Variants in ATRNL1 observed in about 807,000 individuals in gnomAD.
The protein encoded by ATRNL1 is attractin like 1.
A neutral mutation model predicts 182.7 loss-of-function variants in ATRNL1; 95 were observed. The ratio of observed to expected loss-of-function variants is 0.52; its 90% CI spans 0.44 to 0.62. ATRNL1 has a LOEUF of 0.62. ATRNL1 is among the 20% of genes least tolerant of loss of function. The probability of loss-of-function intolerance (pLI) is 0.00; values close to 1 mark genes in which losing one functional copy is unlikely to be tolerated. For missense variants in ATRNL1, 1,471 were observed against 1,679.5 expected (o/e 0.88, Z 2.17); for synonymous variants, 576 against 568.3 (o/e 1.01, Z -0.19).
chr10:115,789,226 C>T (rs1195399981), intron 27 of ATRNL1, among the ~76,000 whole-genome samples: 2 of 152,076 alleles, frequency 1.3e-5, no homozygotes, highest in African/African-American at 4.8e-5. Flanking sequence ...CTTTATTACC[C>T]AAGTATTTAT....
intron 7 of ATRNL1, among the ~76,000 whole-genome samples, chr10:115,170,768 T>C (rs1227597728): frequency 6.6e-6 from 1 of 152,082 alleles, no homozygotes; most frequent in Non-Finnish European, 1.5e-5. Context: ...CAATTAAAAG[T>C]ATACTTAATT....
chr10:115,637,535 G>C (rs1464703981), intron 26 of ATRNL1, among the ~76,000 whole-genome samples: 2 of 150,416 alleles, frequency 1.3e-5, no homozygotes, highest in Admixed American at 1.3e-4. Context: ...ATGGAAGTCA[G>C]AAAATTAAAA....
chr10:115,839,552 G>A (rs1950755602), intron 27 of ATRNL1, among the ~76,000 whole-genome samples: 1 of 152,076 alleles, frequency 6.6e-6, no homozygotes, highest in African/African-American at 2.4e-5. Flanking sequence ...CTGTGTGCAT[G>A]CCCTTACTTC....
intron 27 of ATRNL1, among the ~76,000 whole-genome samples, chr10:115,764,040 A>G (rs1257995420): frequency 1.3e-5 from 2 of 152,220 alleles, no homozygotes; most frequent in African/African-American, 4.8e-5. Flanking sequence ...GGTATTGTAT[A>G]CAGGTACTAG....
At chr10:115,383,227 T>G (rs1233270803) in intron 19 of ATRNL1, among the ~76,000 whole-genome samples, 1 of 151,834 alleles carries the variant, frequency 6.6e-6, no homozygotes, top group Non-Finnish European at 1.5e-5. Flanking sequence ...GCCCACTGGA[T>G]CATGGTGGGA....
rs568673172 is a variant in ATRNL1, at chr10:115,688,026, A to G, written c.3796-39222A>G. Among the ~76,000 whole-genome samples, 13 of 152,178 alleles carry G rather than the reference A, an allele frequency of 8.5e-5. No individual in the cohort carries two copies. The East Asian group carries it at 2.5e-3, about 29-fold the overall frequency. On this transcript the variant is annotated intron_variant, in intron 26 of 28. Transcript: ENST00000355044. ...TATGGTTCTATTCTCTATACCCATG[A>G]AATCAAGTCTTTTATCTTCTATAAG...
chr10:115,160,091 C>T lies in ATRNL1; in HGVS notation c.881C>T (p.Pro294Leu), dbSNP rs1554882887. Residue 294 changes from proline to leucine, a missense_variant, in exon 6 of 29, where the codon CCA (proline) becomes CTA (leucine). Coordinates refer to ENST00000355044, the MANE Select transcript of ATRNL1 (RefSeq NM_207303.4). Reference protein sequence around the residue: ...VPSTESYWILPNVKPFSPSVG... With the variant: ...VPSTESYWILLNVKPFSPSVG... ...TCTACTGAGTCTTACTGGATTCTGC[C>T]AAACGTTAAACCCTTCAGTCCTTCT... 6.2e-7 allele frequency: 1 copy of T among 1,611,992 alleles called. No homozygotes were observed. Among genetic ancestry groups the T allele is most frequent in the Admixed American group, 1.7e-5 (1 of 59,746 alleles).
chr10:115,863,007 C>T (rs782534951), intron 28 of ATRNL1, among the ~76,000 whole-genome samples: 14 of 152,064 alleles, frequency 9.2e-5, no homozygotes, highest in African/African-American at 1.4e-4. Context: ...AATCTACAAA[C>T]GTCTACTCAT....
intron 26 of ATRNL1, among the ~76,000 whole-genome samples, chr10:115,660,244 C>G (rs1352662849): frequency 3.9e-5 from 6 of 151,992 alleles, no homozygotes; most frequent in Non-Finnish European, 2.9e-5. Flanking sequence ...GGGTCTGAAT[C>G]CCTAATTCTA....
At chr10:115,450,104 A>G (rs1287374102) in intron 21 of ATRNL1, among the ~76,000 whole-genome samples, 1 of 152,014 alleles carries the variant, frequency 6.6e-6, no homozygotes, top group African/African-American at 2.4e-5. Flanking sequence ...ATTAAAAACT[A>G]TAACTTAGGT....
intron 26 of ATRNL1, among the ~76,000 whole-genome samples, chr10:115,702,783 G>A (rs1555051920): frequency 6.6e-6 from 1 of 151,790 alleles, no homozygotes; most frequent in South Asian, 2.1e-4. Context: ...GCTGAAAGAA[G>A]TCATAGATGA....
At chr10:115,810,995 T>C (rs1225118715) in intron 27 of ATRNL1, among the ~76,000 whole-genome samples, 3 of 151,918 alleles carry the variant, frequency 2.0e-5, no homozygotes, top group Non-Finnish European at 4.4e-5. Context: ...GTTATTGATA[T>C]TTGTATCTTT....
At chr10:115,498,675 A>G (rs1849670611) in intron 24 of ATRNL1, among the ~76,000 whole-genome samples, 1 of 151,746 alleles carries the variant, frequency 6.6e-6, no homozygotes, top group South Asian at 2.1e-4. Flanking sequence ...ATATACTTTA[A>G]TATACAAAAT....
chr10:115,309,480 G>T (rs551246014), intron 17 of ATRNL1, among the ~76,000 whole-genome samples: 2 of 152,142 alleles, frequency 1.3e-5, no homozygotes, highest in East Asian at 3.9e-4. Context: ...TCCTTGTAGG[G>T]ATAGTTTACC....
chr10:115,642,866 T>C (rs1555030941), intron 26 of ATRNL1, among the ~76,000 whole-genome samples: 1 of 152,228 alleles, frequency 6.6e-6, no homozygotes, highest in Admixed American at 6.5e-5. Flanking sequence ...ACACTTGATT[T>C]CGAGGCTTAT....
At chr10:115,820,928 G>C (rs1234084563) in intron 27 of ATRNL1, among the ~76,000 whole-genome samples, 2 of 152,044 alleles carry the variant, frequency 1.3e-5, no homozygotes, top group Non-Finnish European at 2.9e-5. Context: ...GGGATCGTGG[G>C]GATGGTTTCC....
In ATRNL1 at chr10:115,121,176, G is replaced by A. The variant is rs559680139; in HGVS notation, c.378-523G>A. ...TACCCAGGCTGGAGTGCGGTGGTGC[G>A]ATCTCGGCTCACTGCAGCCTCTGCC... On this transcript the variant is annotated intron_variant, in intron 2 of 28. Transcript: ENST00000355044. Among the ~76,000 whole-genome samples, 8 of 151,970 alleles carry A rather than the reference G, an allele frequency of 5.3e-5. No homozygotes were observed. The East Asian group carries it at 9.7e-4, about 18-fold the overall frequency.
rs937801210 is a variant in ATRNL1 at position 115,462,336 on chromosome 10, G to A, written c.3417+301G>A. ...TCTTATTTAAAAATAAAACTCGTTC[G>A]GGCGCAGTGGCTCATGCCTGTAATC... is the stretch of plus-strand genomic sequence containing the variant. On this transcript the variant is annotated intron_variant, in intron 22 of 28. Coordinates refer to ENST00000355044, the MANE Select transcript of ATRNL1 (RefSeq NM_207303.4). Among the ~76,000 whole-genome samples the A allele has an allele frequency of 3.9e-5, 6 of 151,946 alleles. No individual in the cohort carries two copies. In the South Asian group the frequency reaches 6.2e-4, roughly 16 times the overall value.
intron 27 of ATRNL1, among the ~76,000 whole-genome samples, chr10:115,740,678 G>A (rs183884040): frequency 6.6e-6 from 1 of 152,112 alleles, no homozygotes; most frequent in African/African-American, 2.4e-5. Context: ...GCTAATTTTT[G>A]TATTTTTAGT....
Sources: gnomAD v4.1 joint callset for allele counts (sites outside exome capture counted in the v4.1 genomes callset) on GRCh38, gnomAD v4.1.1 for gene constraint, MANE v1.5 for transcripts, NCBI Gene and HGNC (gene_info 2026-07-23, HGNC 2026-07-21) for gene names.